The following SORCS3 variants were observed in gnomAD, a reference collection of about 807,000 sequenced individuals.
The protein encoded by SORCS3 is sortilin related VPS10 domain containing receptor 3.
SORCS3 carries 57 observed loss-of-function variants against 146.3 expected under a neutral mutation model. The observed-to-expected ratio is 0.39, with a 90% CI of 0.31 to 0.49. SORCS3 has a LOEUF of 0.49. SORCS3 is among the 20% of genes least tolerant of loss of function. The pLI is 0.92. For synonymous variants in SORCS3, 653 were observed against 618.5 expected, an observed-to-expected ratio of 1.06 and a Z score of -0.83; for missense variants, 1,341 against 1,575.5, an observed-to-expected ratio of 0.85 and a Z score of 2.52.
rs576066059 is a variant in SORCS3, at chr10:104,721,928, A to G, written c.627+79974A>G. Among the ~76,000 whole-genome samples the G allele has an allele frequency of 3.3e-5, 5 of 152,210 alleles. No individual in the cohort carries two copies. The South Asian group carries it at 1.0e-3, about 32-fold the overall frequency. On this transcript the variant is annotated intron_variant, in intron 1 of 26. Transcript: ENST00000369701. ...TACAGTCATGTCATCTGCAAACAGG[A>G]ACAATTTGACTTCCTCTTTTCCTAA...
intron 1 of SORCS3, among the ~76,000 whole-genome samples, chr10:104,645,483 G>A (rs1489935592): frequency 2.0e-5 from 3 of 152,150 alleles, no homozygotes; most frequent in Non-Finnish European, 4.4e-5. Flanking sequence ...CCCATTCCTG[G>A]TGCCAAGGTG....
chr10:104,868,615 C>G (rs977944212), intron 2 of SORCS3, among the ~76,000 whole-genome samples: 1 of 152,132 alleles, frequency 6.6e-6, no homozygotes, highest in Non-Finnish European at 1.5e-5. Flanking sequence ...CAGCCAGTGG[C>G]AGGGTGAGAT....
intron 1 of SORCS3, among the ~76,000 whole-genome samples, chr10:104,812,095 A>T (rs1177938381): frequency 1.3e-5 from 2 of 152,232 alleles, no homozygotes; most frequent in Non-Finnish European, 2.9e-5. Flanking sequence ...CCCTGAAAGG[A>T]TCCAGATGAA....
intron 2 of SORCS3, among the ~76,000 whole-genome samples, chr10:104,894,715 G>A (rs766941092): frequency 6.6e-6 from 1 of 152,160 alleles, no homozygotes; most frequent in Non-Finnish European, 1.5e-5. Context: ...ATGATGATTC[G>A]AATGTTTTGG....
intron 4 of SORCS3, among the ~76,000 whole-genome samples, chr10:104,990,392 T>A (rs2054986242): frequency 6.6e-6 from 1 of 152,202 alleles, no homozygotes; most frequent in Admixed American, 6.5e-5. Flanking sequence ...CCAAATAAAC[T>A]ACTTACACTC....
In SORCS3 at chr10:105,147,659, G is replaced by A; in HGVS notation, c.1345G>A (p.Ala449Thr). The A allele has an allele frequency of 6.2e-7, 1 of 1,612,936 alleles. No individual in the cohort carries two copies. Among genetic ancestry groups the A allele is most frequent in the South Asian group, 1.1e-5 (1 of 91,026 alleles). ...TACAGACGAGAACCAAGTATTTGCT[G>A]CGGTCCAAGAATGGAACCAGAACGA... ...ISTDENQVFAAVQEWNQNDTY... is the reference protein window; with the variant it reads ...ISTDENQVFATVQEWNQNDTY... The change falls in exon 9 of 27, where the codon GCG becomes ACG. Residue 449 changes from alanine to threonine, a missense_variant. Transcript: ENST00000369701.
At chr10:105,137,739 G>A (rs1384471253) in intron 7 of SORCS3, among the ~76,000 whole-genome samples, 2 of 152,172 alleles carry the variant, frequency 1.3e-5, no homozygotes, top group Non-Finnish European at 2.9e-5. Context: ...CTCTGCAGAT[G>A]GGCCTTAGTA....
intron 20 of SORCS3, among the ~76,000 whole-genome samples, chr10:105,241,675 G>A (rs1225783282): frequency 1.3e-5 from 2 of 152,148 alleles, no homozygotes; most frequent in African/African-American, 2.4e-5. Flanking sequence ...GCAGAGAGGG[G>A]AGCTGGAGAG....
At position 105,185,538 on chromosome 10, in the gene SORCS3, T is replaced by C. The variant is rs2056469903; in HGVS notation, c.2009+7365T>C. On this transcript the variant is annotated intron_variant, in intron 14 of 26. Transcript: ENST00000369701. ...CTGCTCTGGTAAGATTTTAAATTTG[T>C]GATTCACAATTTGGATTCTATATCT... Among the ~76,000 whole-genome samples, 3 of 152,228 alleles carry C rather than the reference T, an allele frequency of 2.0e-5. No homozygotes were observed. The South Asian group carries it at 6.2e-4, about 32-fold the overall frequency.
chr10:104,659,782 G>A (rs2015677240), intron 1 of SORCS3, among the ~76,000 whole-genome samples: 2 of 152,184 alleles, frequency 1.3e-5, no homozygotes, highest in South Asian at 4.1e-4. Flanking sequence ...AGTAGGAAAT[G>A]GTTATTGTTA....
At chr10:104,989,162 G>A (rs1204091210) in intron 4 of SORCS3, among the ~76,000 whole-genome samples, 2 of 152,158 alleles carry the variant, frequency 1.3e-5, no homozygotes, top group African/African-American at 4.8e-5. Flanking sequence ...TGTAACAAAA[G>A]CAACTTTTAA....
chr10:105,113,046 G>A (rs992337696), intron 7 of SORCS3, among the ~76,000 whole-genome samples: 2 of 152,176 alleles, frequency 1.3e-5, no homozygotes. Flanking sequence ...GGAAAGGCTG[G>A]GCTTTGGGCT....
At chr10:104,671,200 C>T (rs1335362588) in intron 1 of SORCS3, among the ~76,000 whole-genome samples, 1 of 151,544 alleles carries the variant, frequency 6.6e-6, no homozygotes. Context: ...TAGTAAAAGC[C>T]AGCTTCCTTG....
chr10:104,779,351 G>A (rs981230627), intron 1 of SORCS3, among the ~76,000 whole-genome samples: 2 of 152,214 alleles, frequency 1.3e-5, no homozygotes, highest in African/African-American at 4.8e-5. Context: ...GAGATGCTGA[G>A]CTCTGTGCCA....
At chr10:105,237,833 G>T (rs1441697820) in intron 20 of SORCS3, among the ~76,000 whole-genome samples, 1 of 152,182 alleles carries the variant, frequency 6.6e-6, no homozygotes, top group Non-Finnish European at 1.5e-5. Flanking sequence ...CTTTTACAGA[G>T]AATACAATTA....
At chr10:104,766,530 C>T (rs1256341970) in intron 1 of SORCS3, among the ~76,000 whole-genome samples, 1 of 152,236 alleles carries the variant, frequency 6.6e-6, no homozygotes, top group Non-Finnish European at 1.5e-5. Flanking sequence ...ATCGCAGGCA[C>T]TGGCACAGTG....
intron 25 of SORCS3, 141 bp from the exon 26 acceptor site, chr10:105,262,190 C>A: frequency 1.4e-6 from 1 of 737,656 alleles, no homozygotes; most frequent in Non-Finnish European, 2.2e-6. Flanking sequence ...GCCTCATTGT[C>A]TCTGGGGTTA....
chr10:104,767,623 TCCTTCCC>T (rs2017196166), intron 1 of SORCS3, among the ~76,000 whole-genome samples: 3 of 102,226 alleles, frequency 2.9e-5, no homozygotes, highest in Non-Finnish European at 5.8e-5. Flanking sequence ...CTTCCCCTTT[TCCTTCCC>T]CCTTCCCCTC....
chr10:104,849,273 G>A (rs1365049653), intron 2 of SORCS3, among the ~76,000 whole-genome samples: 8 of 151,912 alleles, frequency 5.3e-5, no homozygotes, highest in Non-Finnish European at 8.8e-5. Flanking sequence ...TTAGCTAGGC[G>A]TGGTGGTGGG....
Sources: allele counts gnomAD v4.1 joint callset (sites outside exome capture counted in the v4.1 genomes callset), GRCh38; gene constraint gnomAD v4.1.1; transcripts MANE v1.5; gene names NCBI Gene and HGNC (gene_info 2026-07-23, HGNC 2026-07-21).